Variants in DAB1 observed in about 807,000 individuals in gnomAD.
DAB1 encodes DAB adaptor protein 1, also known as disabled homolog 1.
A neutral mutation model predicts 64.6 loss-of-function variants in DAB1; 15 were observed. The observed-to-expected ratio is 0.23, with a 90% confidence interval of 0.16 to 0.36. The LOEUF is 0.36. Among genes scored for constraint, DAB1 ranks in the 10% least tolerant of loss-of-function variants. DAB1 has a pLI of 1.00. For missense variants in DAB1, 596 were observed against 706.7 expected (o/e 0.84, Z 1.78); for synonymous variants, 235 against 251.9 (o/e 0.93, Z 0.64).
chr1:57,632,047 G>A (rs549571485), intron 7 of DAB1, among the ~76,000 whole-genome samples: 41 of 152,334 alleles, frequency 2.7e-4, no homozygotes, highest in Admixed American at 7.8e-4. Context: ...ACAGTCTACA[G>A]GGAGTAGAAG....
intron 2 of DAB1, among the ~76,000 whole-genome samples, chr1:57,285,424 A>C (rs1672235575): frequency 1.3e-5 from 2 of 152,110 alleles, no homozygotes; most frequent in South Asian, 4.2e-4. Flanking sequence ...GAGTGCCACC[A>C]CACCCTATTT....
At chr1:57,600,883 GA>G (rs1344177435) in intron 7 of DAB1, among the ~76,000 whole-genome samples, 1 of 152,098 alleles carries the variant, frequency 6.6e-6, no homozygotes, top group Non-Finnish European at 1.5e-5. Flanking sequence ...TGAACAGGGG[GA>G]AAAAAGTTCA....
rs144208322 is a variant in DAB1 at position 58,275,414 on chromosome 1, A to T, written n.309+67938T>A. Reference sequence around the variant, plus strand: ...GGCAAACTTTTGGGAGAAAGTATTCATAAATCATATATCTGATACAGAGTT... The same window carrying T: ...GGCAAACTTTTGGGAGAAAGTATTCTTAAATCATATATCTGATACAGAGTT... On this transcript the variant is annotated intron_variant and non_coding_transcript_variant, in intron 4 of 20. Transcript: ENST00000485760. Among the ~76,000 whole-genome samples, 4 of 152,346 alleles carry T rather than the reference A, an allele frequency of 2.6e-5. No homozygotes were observed. The East Asian group carries it at 7.7e-4, about 29-fold the overall frequency.
chr1:57,419,899 G>A (rs769728077), intron 1 of DAB1, among the ~76,000 whole-genome samples: 1 of 152,216 alleles, frequency 6.6e-6, no homozygotes, highest in African/African-American at 2.4e-5. Flanking sequence ...CCACCTTTTA[G>A]TTTGAGAATC....
At chr1:57,928,651 C>T (rs887047071) in intron 5 of DAB1, among the ~76,000 whole-genome samples, 3 of 152,184 alleles carry the variant, frequency 2.0e-5, no homozygotes, top group African/African-American at 7.2e-5. Flanking sequence ...TATCTTTTTA[C>T]TGTCTCCAAA....
intron 3 of DAB1, among the ~76,000 whole-genome samples, chr1:58,480,162 T>C (rs1450057007): frequency 6.6e-6 from 1 of 152,208 alleles, no homozygotes; most frequent in Non-Finnish European, 1.5e-5. Flanking sequence ...TCCAGTCGTC[T>C]TGTTGATATC....
chr1:57,498,222 G>A (rs1231598443), intron 7 of DAB1, among the ~76,000 whole-genome samples: 1 of 152,188 alleles, frequency 6.6e-6, no homozygotes, highest in Non-Finnish European at 1.5e-5. Context: ...ACATTTAGAT[G>A]CAGATATAAA....
At chr1:57,393,294 A>G (rs566802) in intron 1 of DAB1, among the ~76,000 whole-genome samples, 5,873 of 152,284 alleles carry the variant, frequency 0.039, 352 homozygotes, top group African/African-American at 0.13. Flanking sequence ...ACTGCCAGTG[A>G]TTCATTAAAA....
At chr1:58,052,543 CAT>C (rs1330855995) in intron 5 of DAB1, among the ~76,000 whole-genome samples, 1 of 152,104 alleles carries the variant, frequency 6.6e-6, no homozygotes, top group East Asian at 1.9e-4. Flanking sequence ...TTTTTGGTTC[CAT>C]ATGAACTTTA....
chr1:57,172,030 C>T (rs1391662262), intron 2 of DAB1, among the ~76,000 whole-genome samples: 1 of 152,048 alleles, frequency 6.6e-6, no homozygotes, highest in African/African-American at 2.4e-5. Flanking sequence ...TCTCCCCTAG[C>T]TTCTGATGGG....
intron 9 of DAB1, among the ~76,000 whole-genome samples, chr1:57,053,030 C>T (rs1413564483): frequency 6.6e-6 from 1 of 152,194 alleles, no homozygotes; most frequent in African/African-American, 2.4e-5. Flanking sequence ...ACCTTCCCAT[C>T]TTCTTTGCAG....
chr1:58,047,367 C>A (rs1647304580), intron 5 of DAB1, among the ~76,000 whole-genome samples: 1 of 152,184 alleles, frequency 6.6e-6, no homozygotes, highest in African/African-American at 2.4e-5. Flanking sequence ...TTCAGGTGCC[C>A]AATAGCCACG....
intron 1 of DAB1, chr1:58,539,243 G>T: frequency 1.1e-6 from 1 of 870,080 alleles, no homozygotes; most frequent in Non-Finnish European, 2.0e-6. Flanking sequence ...GAATTAAATC[G>T]GAAGAAAACA....
In DAB1 at chr1:58,309,297, G is replaced by A. The variant is rs770847739; in HGVS notation, n.309+34055C>T. On this transcript the variant is annotated intron_variant and non_coding_transcript_variant, in intron 4 of 20. Transcript: ENST00000485760. Reference sequence around the variant, plus strand: ...TGGATTATATTACAACATCACTTTCGGAGCCTCAAATGTTTGGTATTTAGC... The same window carrying A: ...TGGATTATATTACAACATCACTTTCAGAGCCTCAAATGTTTGGTATTTAGC... Among the ~76,000 whole-genome samples the A allele has an allele frequency of 5.3e-5, 8 of 152,140 alleles. No individual in the cohort carries two copies. In the South Asian group the frequency reaches 1.0e-3, roughly 20 times the overall value.
intron 7 of DAB1, among the ~76,000 whole-genome samples, chr1:57,529,804 C>T (rs950034948): frequency 4.6e-5 from 7 of 152,146 alleles, no homozygotes; most frequent in African/African-American, 1.7e-4. Context: ...AATTGTAACT[C>T]TCACTCCTCC....
intron 3 of DAB1, among the ~76,000 whole-genome samples, chr1:58,361,368 A>G (rs6695595): frequency 0.1 from 15,822 of 152,294 alleles, 907 homozygotes; most frequent in Middle Eastern, 0.17. Flanking sequence ...TTGGACCACT[A>G]AGGACCGGCT....
chr1:58,438,151 C>T (rs1644965879), intron 3 of DAB1, among the ~76,000 whole-genome samples: 1 of 152,174 alleles, frequency 6.6e-6, no homozygotes, highest in Non-Finnish European at 1.5e-5. Flanking sequence ...ACACCCTTTC[C>T]AGCTACCCAA....
At chr1:58,453,464 G>A (rs1645161152) in intron 3 of DAB1, among the ~76,000 whole-genome samples, 1 of 152,246 alleles carries the variant, frequency 6.6e-6, no homozygotes, top group Non-Finnish European at 1.5e-5. Context: ...AACCTGAAAG[G>A]ATCTCCTTCA....
At chr1:58,353,070 C>A (rs958488291) in intron 3 of DAB1, among the ~76,000 whole-genome samples, 1 of 152,086 alleles carries the variant, frequency 6.6e-6, no homozygotes, top group Non-Finnish European at 1.5e-5. Context: ...AGTTATGCCA[C>A]GCTGCCGAAT....
Sources: gnomAD v4.1 joint callset for allele counts (sites outside exome capture counted in the v4.1 genomes callset) on GRCh38, gnomAD v4.1.1 for gene constraint, MANE v1.5 for transcripts, NCBI Gene and HGNC (gene_info 2026-07-23, HGNC 2026-07-21) for gene names.